Variants in GOLGB1 observed in about 807,000 individuals in gnomAD.
GOLGB1 encodes golgin subfamily B member 1.
A neutral mutation model predicts 336.9 loss-of-function variants in GOLGB1; 174 were observed. That is an observed-to-expected ratio of 0.52 (90% confidence interval 0.46 to 0.59). The LOEUF (loss-of-function observed/expected upper bound fraction) is 0.59, where lower values mean the gene tolerates loss of function less well. Among genes scored for constraint, GOLGB1 ranks in the 20% least tolerant of loss-of-function variants. The pLI is 0.00. For missense variants in GOLGB1, 3,331 were observed against 3,645.3 expected (o/e 0.91, Z 2.22); for synonymous variants, 1,208 against 1,289.2 (o/e 0.94, Z 1.35).
intron 10 of GOLGB1, among the ~76,000 whole-genome samples, chr3:121,707,974 T>C (rs1944030778): frequency 6.6e-6 from 1 of 152,226 alleles, no homozygotes. Context: ...TTTAATCTCC[T>C]TAAAACATAA....
At chr3:121,668,548 C>T (rs550847794) in intron 18 of GOLGB1, 1 of 158,900 alleles carries the variant, frequency 6.3e-6, no homozygotes, top group Non-Finnish European at 1.4e-5. Context: ...GTGGCAGGCG[C>T]CTGTAATCCC....
chr3:121,698,601 T>G lies in GOLGB1; in HGVS notation c.1922A>C (p.Glu641Ala), dbSNP rs748998778. 4.3e-6 allele frequency: 7 copies of G among 1,613,946 alleles called. No individual in the cohort carries two copies. In the South Asian group the frequency reaches 6.6e-5, roughly 15 times the overall value. Reference protein sequence around the residue: ...PNEESSLPAVEKEQASTEHQS... With the variant: ...PNEESSLPAVAKEQASTEHQS... ...ATGTTCAGTGCTCGCCTGTTCTTTT[T>G]CAACTGCTGGAAGACTGCTCTCTTC... The change falls in exon 13 of 22, where the codon GAA becomes GCA. Residue 641 changes from glutamate (E) to alanine (A), a missense_variant. Transcript: ENST00000614479.
intron 1 of GOLGB1, among the ~76,000 whole-genome samples, chr3:121,737,824 AT>A (rs1433210563): frequency 3.3e-5 from 5 of 152,240 alleles, no homozygotes; most frequent in African/African-American, 1.2e-4. Flanking sequence ...TTTTTAATAG[AT>A]TGTCTTGGGT....
rs1249693674 is a variant in GOLGB1 at position 121,696,034 on chromosome 3, G to A, written c.4489C>T (p.Arg1497Ter). ...QRKLQAALIS[R>*]KEALKENKSL... ...TTGTTTTCTTTTAGTGCTTCTTTTC[G>A]GGAAATAAGGGCAGCTTGCAGTTTC... The change falls in exon 13 of 22, where the codon CGA becomes TGA. Residue 1497 changes from arginine (R) to a stop codon, truncating the protein, a stop_gained. Coordinates refer to ENST00000614479, the MANE Select transcript of GOLGB1 (RefSeq NM_001366282.2). LOFTEE classifies it high-confidence loss of function. The A allele has an allele frequency of 1.9e-6, 3 of 1,613,824 alleles. No homozygotes were observed. Among genetic ancestry groups the A allele is most frequent in the African/African-American group, 1.3e-5 (1 of 74,866 alleles).
intron 7 of GOLGB1, among the ~76,000 whole-genome samples, chr3:121,719,401 C>A (rs1576421574): frequency 1.3e-5 from 2 of 152,202 alleles, no homozygotes; most frequent in East Asian, 3.9e-4. Context: ...TTTTTGACTA[C>A]CACATAAATT....
chr3:121,709,237 A>G (rs1944141548), intron 10 of GOLGB1, among the ~76,000 whole-genome samples: 1 of 152,252 alleles, frequency 6.6e-6, no homozygotes, highest in South Asian at 2.1e-4. Context: ...TTCCACAGTC[A>G]TAGTTGGAGA....
In GOLGB1 at chr3:121,729,344, C is replaced by A. The variant is rs374210120; in HGVS notation, c.250-4G>T. ...TATCAGCAGCTTTTCTCTCTTCCTG[C>A]CCAAAAACAATGATGGTAAATACAT... On this transcript the variant is annotated splice_region_variant and splice_polypyrimidine_tract_variant and intron_variant, in intron 3 of 21. Transcript: ENST00000614479. 1.9e-6 allele frequency: 3 copies of A among 1,608,120 alleles called. No individual in the cohort carries two copies. Among genetic ancestry groups the A allele is most frequent in the Non-Finnish European group, 2.6e-6 (3 of 1,176,336 alleles).
chr3:121,733,859 G>T (rs560213800), intron 1 of GOLGB1, among the ~76,000 whole-genome samples: 2 of 152,302 alleles, frequency 1.3e-5, no homozygotes, highest in African/African-American at 4.8e-5. Context: ...GAAAAAGAGT[G>T]AACCTTGACA....
chr3:121,671,976 C>T lies in GOLGB1; in HGVS notation c.9178-2621G>A, dbSNP rs146516661. Among the ~76,000 whole-genome samples the T allele has an allele frequency of 3.3e-3, 499 of 152,232 alleles. 8 individuals are homozygous for T. The highest frequency in any genetic ancestry group is 0.012 in the East Asian group (60 of 5,188). On this transcript the variant is annotated intron_variant, in intron 17 of 21. Transcript: ENST00000614479. The stretch of plus-strand genomic sequence containing the variant: ...TATGTTGCCACAAATGACAGAATTT[C>T]ATACCTCTAAAAGCTGAATAATATT...
chr3:121,671,440 C>T (rs1243123478), intron 17 of GOLGB1, among the ~76,000 whole-genome samples: 2 of 152,122 alleles, frequency 1.3e-5, no homozygotes, highest in Non-Finnish European at 2.9e-5. Context: ...CGCTCAAATT[C>T]CTTATATATA....
rs375764117 is a variant in GOLGB1, at chr3:121,677,347, T to C, written c.8977A>G (p.Ile2993Val). The part of the protein sequence containing the change: ...DQQLSHLQNL[I>V]RELRSSSSQT... The stretch of plus-strand genomic sequence containing the variant: ...GAGGAAGAAGACCTCAATTCCCTTA[T>C]AAGATTCTGCAGATGACTGAGCTGC... The change falls in exon 16 of 22, where the codon ATA (isoleucine) becomes GTA (valine). Residue 2993 changes from isoleucine to valine, a missense_variant. Coordinates refer to ENST00000614479, the MANE Select transcript of GOLGB1 (RefSeq NM_001366282.2). The C allele has an allele frequency of 2.1e-5, 34 of 1,611,012 alleles. No homozygotes were observed. The highest frequency in any genetic ancestry group is 2.8e-5 in the Non-Finnish European group (33 of 1,177,242).
intron 1 of GOLGB1, among the ~76,000 whole-genome samples, chr3:121,734,707 G>A (rs1183952362): frequency 6.6e-6 from 1 of 152,122 alleles, no homozygotes; most frequent in African/African-American, 2.4e-5. Context: ...TTTTAATGCT[G>A]GCAGGGATAT....
intron 20 of GOLGB1, among the ~76,000 whole-genome samples, chr3:121,666,076 C>T (rs2107522119): frequency 6.6e-6 from 1 of 152,260 alleles, no homozygotes; most frequent in South Asian, 2.1e-4. Context: ...GTCAGTCTGT[C>T]AATGTAGGCT....
chr3:121,727,067 T>TG, intron 4 of GOLGB1, 26 bp from the exon 5 acceptor site: 2 of 1,370,262 alleles, frequency 1.5e-6, no homozygotes, highest in Non-Finnish European at 2.0e-6. Context: ...ATAAAGTCAT[T>TG]ATTTAAAAGA....
intron 10 of GOLGB1, among the ~76,000 whole-genome samples, chr3:121,708,020 C>T (rs546437099): frequency 6.6e-6 from 1 of 152,258 alleles, no homozygotes; most frequent in South Asian, 2.1e-4. Flanking sequence ...CAAAAACTGT[C>T]CACAACCCAA....
At chr3:121,727,289 C>A (rs1167125535) in intron 4 of GOLGB1, among the ~76,000 whole-genome samples, 1 of 44,368 alleles carries the variant, frequency 2.3e-5, no homozygotes, top group African/African-American at 5.8e-5. Context: ...CATACACACA[C>A]ACACATATAT....
In GOLGB1 at chr3:121,694,436, T is replaced by C; in HGVS notation, c.6087A>G (p.Leu2029=). ...LKEKQQEVKQ[L]QKDCIRYQEK... ...CTTGATACCTGATGCAGTCCTTCTG[T>C]AGCTGCTTTACTTCTTGTTGTTTTT... is the stretch of plus-strand genomic sequence containing the variant. Residue 2029 remains leucine (L), a synonymous_variant, in exon 13 of 22, where the codon CTA becomes CTG. Transcript: ENST00000614479. 3 of 1,613,468 alleles carry C rather than the reference T, an allele frequency of 1.9e-6. No homozygotes were observed. Among genetic ancestry groups the C allele is most frequent in the Non-Finnish European group, 2.5e-6 (3 of 1,179,742 alleles).
rs1944591958 is a variant in GOLGB1 at position 121,714,349 on chromosome 3, C to CT, written c.1404+511dup. On this transcript the variant is annotated intron_variant, in intron 10 of 21. Transcript: ENST00000614479. Reference sequence around the variant, plus strand: ...CCTTCGATGATTACAATCTAGCTCTCTACAGAGATTTTTGTAGATGAAAGA... The same window carrying CT: ...CCTTCGATGATTACAATCTAGCTCTCTTACAGAGATTTTTGTAGATGAAAGA... Among the ~76,000 whole-genome samples the CT allele has an allele frequency of 2.6e-5, 4 of 152,138 alleles. No individual in the cohort carries two copies. In the South Asian group the frequency reaches 8.3e-4, roughly 32 times the overall value.
At position 121,690,744 on chromosome 3, in the gene GOLGB1, G is replaced by C; in HGVS notation, c.8620C>G (p.Pro2874Ala). Residue 2874 changes from proline to alanine, a missense_variant, in exon 14 of 22, where the codon CCT becomes GCT. Physicochemically the swap from Pro to Ala is conservative, Grantham distance 27. Coordinates refer to ENST00000614479, the MANE Select transcript of GOLGB1 (RefSeq NM_001366282.2). ...TGTACTTCAGCTGGGCTGGTGGAAG[G>C]CTGAGCTGCAGACCTCTGCTTCCCT... The part of the protein sequence containing the change: ...EEGKQRSAAQ[P>A]STSPAEVQSL... 6.4e-7 allele frequency: 1 copy of C among 1,558,064 alleles called. No individual in the cohort carries two copies.
Sources: allele counts gnomAD v4.1 joint callset (sites outside exome capture counted in the v4.1 genomes callset), GRCh38; gene constraint gnomAD v4.1.1; transcripts MANE v1.5; gene names NCBI Gene and HGNC (gene_info 2026-07-23, HGNC 2026-07-21).